Variants in BMPR1B observed in about 807,000 individuals in gnomAD.
BMPR1B encodes the protein bone morphogenetic protein receptor type 1B.
Under a neutral mutation model 59.1 loss-of-function variants are expected in BMPR1B, and 12 were observed. The observed-to-expected ratio is 0.20, with a 90% CI of 0.13 to 0.33. The LOEUF is 0.33. Among genes scored for constraint, BMPR1B ranks in the 10% least tolerant of loss-of-function variants. The pLI is 1.00. For synonymous variants in BMPR1B, 237 were observed against 207.3 expected (o/e 1.14, Z -1.23); for missense variants, 550 against 610.9 (o/e 0.90, Z 1.05).
At chr4:94,884,472 G>A (rs2148983040) in intron 2 of BMPR1B, among the ~76,000 whole-genome samples, 1 of 152,194 alleles carries the variant, frequency 6.6e-6, no homozygotes, top group South Asian at 2.1e-4. Flanking sequence ...GTTGCAGTGA[G>A]CCAAGATGGT....
At position 94,943,440 on chromosome 4, in the gene BMPR1B, T is replaced by C. The variant is rs370188622; in HGVS notation, c.-112-52600T>C. On this transcript the variant is annotated intron_variant, in intron 2 of 12. Coordinates refer to ENST00000515059, the MANE Select transcript of BMPR1B (RefSeq NM_001203.3). ...TGTCTGCCTCCACTCACTATTTATG[T>C]GACATTTGATAATCTACTCAGCATA... Among the ~76,000 whole-genome samples, 27 of 152,302 alleles carry C rather than the reference T, an allele frequency of 1.8e-4. No individual in the cohort carries two copies. In the South Asian group the frequency reaches 4.1e-3, roughly 23 times the overall value.
intron 1 of BMPR1B, among the ~76,000 whole-genome samples, chr4:94,841,344 G>T (rs1378038200): frequency 6.7e-6 from 1 of 149,002 alleles, no homozygotes; most frequent in Non-Finnish European, 1.5e-5. Context: ...GGCAATGGCG[G>T]GCGCCCCTCC....
At chr4:95,005,078 T>C (rs1722727026) in intron 3 of BMPR1B, among the ~76,000 whole-genome samples, 2 of 152,146 alleles carry the variant, frequency 1.3e-5, no homozygotes, top group Admixed American at 1.3e-4. Flanking sequence ...AAAATATGTC[T>C]CCTGAAACCA....
At chr4:95,016,971 G>A (rs1012237267) in intron 3 of BMPR1B, among the ~76,000 whole-genome samples, 2 of 152,164 alleles carry the variant, frequency 1.3e-5, no homozygotes, top group Admixed American at 1.3e-4. Flanking sequence ...CAAGACAACA[G>A]TAGGGAGAAA....
At chr4:94,889,311 C>G (rs980244841) in intron 2 of BMPR1B, among the ~76,000 whole-genome samples, 8 of 151,996 alleles carry the variant, frequency 5.3e-5, no homozygotes, top group Non-Finnish European at 1.2e-4. Context: ...AATAAAATAT[C>G]TAGAATTAAT....
intron 1 of BMPR1B, among the ~76,000 whole-genome samples, chr4:94,861,030 C>T (rs1245961143): frequency 6.6e-6 from 1 of 151,108 alleles, no homozygotes; most frequent in Non-Finnish European, 1.5e-5. Context: ...CATCCCATTC[C>T]ATTTTCTTTC....
intron 11 of BMPR1B, among the ~76,000 whole-genome samples, chr4:95,152,017 A>T (rs935174578): frequency 6.6e-6 from 1 of 152,188 alleles, no homozygotes; most frequent in Non-Finnish European, 1.5e-5. Flanking sequence ...TTTTAACAAT[A>T]CATATTTTTT....
At position 95,000,840 on chromosome 4, in the gene BMPR1B, G is replaced by A. The variant is rs149185644; in HGVS notation, c.-18+4706G>A. ...TAAAGGATTTTACCAGAACAATCAA[G>A]TCTTATTTTATTATTGTTAGAAGTT... On this transcript the variant is annotated intron_variant, in intron 3 of 12. Transcript: ENST00000515059. 4.2e-3 allele frequency among the ~76,000 whole-genome samples: 646 copies of A among 152,204 alleles called. 6 individuals carry two copies. The highest frequency in any genetic ancestry group is 0.015 in the African/African-American group (626 of 41,536).
chr4:94,970,896 A>AT (rs961044883), intron 2 of BMPR1B, among the ~76,000 whole-genome samples: 2 of 151,968 alleles, frequency 1.3e-5, no homozygotes, highest in African/African-American at 4.8e-5. Flanking sequence ...TTTAAGTTAC[A>AT]TTTTTTTGGA....
chr4:95,030,087 G>T (rs1453084683), intron 3 of BMPR1B, among the ~76,000 whole-genome samples: 1 of 151,520 alleles, frequency 6.6e-6, no homozygotes, highest in African/African-American at 2.4e-5. Context: ...TCTGATGGTA[G>T]TTTCTTTTGC....
At chr4:95,133,952 T>C (rs1361941822) in intron 10 of BMPR1B, among the ~76,000 whole-genome samples, 1 of 152,052 alleles carries the variant, frequency 6.6e-6, no homozygotes, top group Non-Finnish European at 1.5e-5. Context: ...TATGTATACG[T>C]GTGCCATGTT....
rs185449729 is a variant in BMPR1B at position 94,967,882 on chromosome 4, G to A, written c.-112-28158G>A. On this transcript the variant is annotated intron_variant, in intron 2 of 12. Transcript: ENST00000515059. ...GTAAGAATACGCTATTCATGTCATA[G>A]AACTATAATAGCTTAAAATAAATAA... Among the ~76,000 whole-genome samples, 47 of 152,236 alleles carry A rather than the reference G, an allele frequency of 3.1e-4. 1 individual carries two copies. Among genetic ancestry groups the A allele is most frequent in the African/African-American group, 1.1e-3 (46 of 41,520 alleles).
chr4:95,048,460 A>G (rs1726201279), intron 3 of BMPR1B, among the ~76,000 whole-genome samples: 1 of 152,126 alleles, frequency 6.6e-6, no homozygotes, highest in South Asian at 2.1e-4. Flanking sequence ...CCTTGCCAGC[A>G]TTTGTGGATT....
chr4:94,985,531 G>GTT (rs201469117), intron 2 of BMPR1B, among the ~76,000 whole-genome samples: 201 of 147,398 alleles, frequency 1.4e-3, no homozygotes, highest in South Asian at 8.1e-3. Context: ...GTGTGTGTGT[G>GTT]TGTGTGTGTG....
intron 3 of BMPR1B, among the ~76,000 whole-genome samples, chr4:95,027,269 T>C (rs1171886488): frequency 1.3e-5 from 2 of 152,216 alleles, no homozygotes; most frequent in Non-Finnish European, 2.9e-5. Context: ...TTTTGTATTT[T>C]ATTTAAAAAT....
intron 1 of BMPR1B, among the ~76,000 whole-genome samples, chr4:94,835,063 C>A (rs1218951012): frequency 2.6e-5 from 4 of 151,400 alleles, no homozygotes; most frequent in South Asian, 2.1e-4. Context: ...GGAAGAAATG[C>A]AGATTTTAGT....
intron 2 of BMPR1B, among the ~76,000 whole-genome samples, chr4:94,978,286 G>A (rs369152635): frequency 6.6e-6 from 1 of 152,172 alleles, no homozygotes. Flanking sequence ...GTTTCTGTGG[G>A]CCAGGATTTT....
At chr4:95,115,286 C>G (rs1249388043) in intron 5 of BMPR1B, among the ~76,000 whole-genome samples, 1 of 152,158 alleles carries the variant, frequency 6.6e-6, no homozygotes, top group African/African-American at 2.4e-5. Context: ...ATTTAGAAAA[C>G]TGAAATTTTC....
At chr4:95,040,487 A>G (rs188997544) in intron 3 of BMPR1B, among the ~76,000 whole-genome samples, 280 of 152,344 alleles carry the variant, frequency 1.8e-3, no homozygotes, top group African/African-American at 6.3e-3. Context: ...TGGTTTTGAT[A>G]GGAAACTGTT....
Sources: gnomAD v4.1 joint callset for allele counts (sites outside exome capture counted in the v4.1 genomes callset) on GRCh38, gnomAD v4.1.1 for gene constraint, MANE v1.5 for transcripts, NCBI Gene and HGNC (gene_info 2026-07-23, HGNC 2026-07-21) for gene names.